COL8A2: variants seen among roughly 807,000 people sequenced by gnomAD.
COL8A2 encodes the protein collagen type VIII alpha 2 chain, also known as collagen alpha-2(VIII) chain.
COL8A2 carries 16 observed loss-of-function variants against 24.0 expected under a neutral mutation model. The ratio of observed to expected loss-of-function variants is 0.67; its 90% confidence interval spans 0.45 to 1.01. COL8A2 has a LOEUF of 1.01. COL8A2 is among the 50% of genes least tolerant of loss of function. The pLI is 0.00. For synonymous variants in COL8A2, 466 were observed against 424.5 expected, an observed-to-expected ratio of 1.10 and a Z score of -1.20; for missense variants, 818 against 942.4, an observed-to-expected ratio of 0.87 and a Z score of 1.73.
At chr1:36,124,205 G>A (rs1177233994) in intron 1 of COL8A2, among the ~76,000 whole-genome samples, 4 of 152,168 alleles carry the variant, frequency 2.6e-5, no homozygotes, top group Admixed American at 6.5e-5. Context: ...TCAGCCGCAC[G>A]TCTGTGTCAG....
At position 36,098,395 on chromosome 1, in the gene COL8A2, G is replaced by A. The variant is rs754492511; in HGVS notation, c.1286C>T (p.Pro429Leu). ...PPGPTGPKGE[P>L]GFTGRPGGPG... ...TCCTCCAGGGCGACCCGTGAAACCC[G>A]GCTCACCCTTGGGCCCAGTTGGTCC... The change falls in exon 4 of 4, where the codon CCG (proline) becomes CTG (leucine). Residue 429 changes from proline to leucine, a missense_variant. Around this residue, in one of 3 missense-constraint regions of COL8A2, gnomAD observed 573 missense variants for 616.8 expected, o/e 0.93. Coordinates refer to ENST00000397799, the MANE Select transcript of COL8A2 (RefSeq NM_005202.4). 8 of 1,576,966 alleles carry A rather than the reference G, an allele frequency of 5.1e-6. No individual in the cohort carries two copies. The highest frequency in any genetic ancestry group is 4.6e-5 in the South Asian group (4 of 86,288).
At chr1:36,124,739 G>C (rs548051517) in intron 1 of COL8A2, among the ~76,000 whole-genome samples, 81 of 152,226 alleles carry the variant, frequency 5.3e-4, no homozygotes, top group Admixed American at 3.7e-3. Context: ...ACGGGAGATC[G>C]GGAGGTGGTG....
chr1:36,099,041 C>T lies in COL8A2; in HGVS notation c.640G>A (p.Gly214Arg), dbSNP rs1488242881. ...LKGDNGVGQP[G>R]LPGAPGQGGA... ...CCCTGCCCTGGGGCCCCAGGCAGCC[C>T]GGGCTGGCCCACTCCATTATCCCCC... The change falls in exon 4 of 4, where the codon GGG becomes AGG. Residue 214 changes from glycine (G) to arginine (R), a missense_variant. By Grantham distance (125) the Gly-to-Arg change is moderately radical. This residue lies in a region of COL8A2 where 573 missense variants were observed against 616.8 expected (regional missense o/e 0.93). Coordinates refer to ENST00000397799, the MANE Select transcript of COL8A2 (RefSeq NM_005202.4). 4 of 1,537,370 alleles carry T rather than the reference C, an allele frequency of 2.6e-6. No homozygotes were observed. The highest frequency in any genetic ancestry group is 3.5e-6 in the Non-Finnish European group (4 of 1,144,384).
At position 36,098,113 on chromosome 1, in the gene COL8A2, G is replaced by T; in HGVS notation, c.1568C>A (p.Pro523His). The change falls in exon 4 of 4, where the codon CCT (proline) becomes CAT (histidine). Residue 523 changes from proline to histidine, a missense_variant. Physicochemically the swap from Pro to His is moderately conservative, Grantham distance 77. Coordinates refer to ENST00000397799, the MANE Select transcript of COL8A2 (RefSeq NM_005202.4). ...ACCAGGGGGTCCCGGGGGCCCGGGA[G>T]GCCCCGGAGGGCCCGTGATTCCAGG... ...GSPGITGPPG[P>H]PGPPGPPGAP... is the part of the protein sequence containing the mutation. 6.7e-7 allele frequency: 1 copy of T among 1,496,926 alleles called. No individual in the cohort carries two copies. Among genetic ancestry groups the T allele is most frequent in the Admixed American group, 2.4e-5 (1 of 41,458 alleles). The allele number at this position is 1,496,926 out of a possible 1,614,324, so 92.7% of individuals were successfully genotyped here.
At position 36,099,472 on chromosome 1, in the gene COL8A2, A is replaced by C. The variant is rs1452063857; in HGVS notation, c.209T>G (p.Leu70Arg). Residue 70 changes from leucine to arginine, a missense_variant, in exon 4 of 4, where the codon CTG becomes CGG. By Grantham distance (102) the Leu-to-Arg change is moderately radical. Around this residue, in one of 3 missense-constraint regions of COL8A2, gnomAD observed 573 missense variants for 616.8 expected, o/e 0.93. Coordinates refer to ENST00000397799, the MANE Select transcript of COL8A2 (RefSeq NM_005202.4). Reference sequence around the variant, plus strand: ...CTCTCCCTTCAGGTCCATCGGCAGCAGCGGTAGAGGCATTTCTGAGAAAGA... The same window carrying C: ...CTCTCCCTTCAGGTCCATCGGCAGCCGCGGTAGAGGCATTTCTGAGAAAGA... ...KGQYLEMPLPLLPMDLKGEPG... is the reference protein window; with the variant it reads ...KGQYLEMPLPRLPMDLKGEPG... The C allele has an allele frequency of 4.5e-6, 7 of 1,540,246 alleles. No individual in the cohort carries two copies. The African/African-American group carries it at 9.5e-5, about 21-fold the overall frequency.
Position 36,103,429 on chromosome 1 carries a change from C to T in COL8A2, c.-16-3171G>A, listed in dbSNP as rs1245670432. On this transcript the variant is annotated intron_variant, in intron 2 of 3. Coordinates refer to ENST00000397799, the MANE Select transcript of COL8A2 (RefSeq NM_005202.4). ...CTGGGACTACAGGCGCCCGCCAACA[C>T]GCCCGGCTAATTTTTTGTATTTTTA... is the stretch of plus-strand genomic sequence containing the variant. Among the ~76,000 whole-genome samples, 4 of 152,074 alleles carry T rather than the reference C, an allele frequency of 2.6e-5. 1 individual carries two copies. Among genetic ancestry groups the T allele is most frequent in the South Asian group, 4.1e-4 (2 of 4,824 alleles).
At chr1:36,102,664 G>GGTT (rs1553177881) in intron 2 of COL8A2, among the ~76,000 whole-genome samples, 3 of 94,780 alleles carry the variant, frequency 3.2e-5, no homozygotes, top group Non-Finnish European at 5.9e-5. Flanking sequence ...TATAAAGCTG[G>GGTT]TTTTTTGTTT....
rs537720637 is a variant in COL8A2, at chr1:36,115,368, G to A, written c.-17+340C>T. ...CTCTGCGGCTACCCTGCGTGGTGGC[G>A]GCAGCAGCGGCAGCAGGAGGGGCTG... On this transcript the variant is annotated intron_variant, in intron 2 of 3. Coordinates refer to ENST00000397799, the MANE Select transcript of COL8A2 (RefSeq NM_005202.4). The surrounding 1 kb of genome is among the most constrained non-coding windows in gnomAD (Gnocchi z 5.7). Among the ~76,000 whole-genome samples, 105 of 152,306 alleles carry A rather than the reference G, an allele frequency of 6.9e-4. No individual in the cohort carries two copies. The highest frequency in any genetic ancestry group is 2.4e-3 in the African/African-American group (101 of 41,560).
At chr1:36,102,483 G>A (rs1643691340) in intron 2 of COL8A2, among the ~76,000 whole-genome samples, 1 of 151,684 alleles carries the variant, frequency 6.6e-6, no homozygotes, top group Admixed American at 6.6e-5. Flanking sequence ...TCTATTTTAT[G>A]TAAAGACAGG....
rs1267078978 is a variant in COL8A2 at position 36,096,783 on chromosome 1, G to C, written c.*786C>G. 6.6e-6 allele frequency: 1 copy of C among 152,372 alleles called. No homozygotes were observed. The highest frequency in any genetic ancestry group is 1.5e-5 in the Non-Finnish European group (1 of 68,164). The allele number at this position is 152,372 out of a possible 1,614,324, so 9.4% of individuals were successfully genotyped here. A position where few individuals can be genotyped will look rare whatever the true frequency, so the allele number is the denominator to read the frequency against. ...CAGAGGTTGATCTTTCTGGCCTGTA[G>C]GTGTCCCAGGGGCCTCTGTGCTGCC... On this transcript the variant is annotated 3_prime_UTR_variant, in exon 4 of 4. Coordinates refer to ENST00000397799, the MANE Select transcript of COL8A2 (RefSeq NM_005202.4).
At chr1:36,105,742 C>A (rs1436747217) in intron 2 of COL8A2, among the ~76,000 whole-genome samples, 1 of 149,836 alleles carries the variant, frequency 6.7e-6, no homozygotes, top group African/African-American at 2.5e-5. Context: ...GAGCCCAGGA[C>A]TTTGAGATCA....
chr1:36,122,280 G>C (rs920692527), intron 1 of COL8A2, among the ~76,000 whole-genome samples: 2 of 152,148 alleles, frequency 1.3e-5, no homozygotes, highest in Admixed American at 1.3e-4. Flanking sequence ...GGAAGTCCTA[G>C]ATCTGTCTGA....
rs991834696 is a variant in COL8A2, at chr1:36,097,829, C to T, written c.1852G>A (p.Gly618Ser). The T allele has an allele frequency of 1.2e-5, 19 of 1,613,478 alleles. No individual in the cohort carries two copies. Among genetic ancestry groups the T allele is most frequent in the Admixed American group, 1.7e-5 (1 of 60,036 alleles). The change falls in exon 4 of 4, where the codon GGC becomes AGC. Residue 618 changes from glycine (G) to serine (S), a missense_variant. Transcript: ENST00000397799. Reference protein sequence around the residue: ...ATGIFTCPVGGVYYFAYHVHV... With the variant: ...ATGIFTCPVGSVYYFAYHVHV... ...ACATGGTAAGCAAAGTAGTAGACGC[C>T]GCCCACAGGGCAGGTGAAGATGCCA... is the stretch of plus-strand genomic sequence containing the variant.
Position 36,100,220 on chromosome 1 carries a change from A to T in COL8A2, c.23T>A (p.Leu8Gln), listed in dbSNP as rs770506892. The change falls in exon 3 of 4, where the codon CTG becomes CAG. Residue 8 changes from leucine (L) to glutamine (Q), a missense_variant. Around this residue, in one of 3 missense-constraint regions of COL8A2, gnomAD observed 573 missense variants for 616.8 expected, o/e 0.93. Coordinates refer to ENST00000397799, the MANE Select transcript of COL8A2 (RefSeq NM_005202.4). ...CAGTAGCAGCAGCAGCAGCGAAGAC[A>T]GGGGTGTCAGAGTCCCCAGCATGGC... MLGTLTPLSSLLLLLLVL... is the reference protein window; with the variant it reads MLGTLTPQSSLLLLLLVL... 3.8e-6 allele frequency: 6 copies of T among 1,575,554 alleles called. No individual in the cohort carries two copies. The East Asian group carries it at 7.0e-5, about 18-fold the overall frequency.
At chr1:36,113,403 C>T (rs1307873250) in intron 2 of COL8A2, among the ~76,000 whole-genome samples, 1 of 152,240 alleles carries the variant, frequency 6.6e-6, no homozygotes. Flanking sequence ...CTCTGTAAAT[C>T]TCTAGCTGTT....
At chr1:36,101,169 C>T (rs987970698) in intron 2 of COL8A2, among the ~76,000 whole-genome samples, 6 of 152,078 alleles carry the variant, frequency 3.9e-5, no homozygotes, top group African/African-American at 1.4e-4. Context: ...GTTAGGATTA[C>T]AGGCATGAGC....
In COL8A2 at chr1:36,098,822, C is replaced by T; in HGVS notation, c.859G>A (p.Gly287Arg). 1 of 1,612,352 alleles carries T rather than the reference C, an allele frequency of 6.2e-7. No homozygotes were observed. The highest frequency in any genetic ancestry group is 8.5e-7 in the Non-Finnish European group (1 of 1,179,760). ...VDGVGVPGAA[G>R]LPGPQGPSGA... ...GATGGGCCCTGTGGTCCTGGCAACC[C>T]TGCTGCCCCTGGGACTCCCACACCG... Residue 287 changes from glycine to arginine, a missense_variant, in exon 4 of 4, where the codon GGG (glycine) becomes AGG (arginine). Gly to Arg is a moderately radical substitution (Grantham distance 125). Transcript: ENST00000397799.
intron 1 of COL8A2, 136 bp downstream of exon 1, chr1:36,124,921 G>T (rs1643941163): frequency 5.1e-6 from 1 of 195,190 alleles, no homozygotes; most frequent in Non-Finnish European, 9.3e-6. Context: ...CCTGGCCCGA[G>T]TCCCCCACCG....
chr1:36,105,266 C>A (rs890308009), intron 2 of COL8A2, among the ~76,000 whole-genome samples: 2 of 152,192 alleles, frequency 1.3e-5, no homozygotes, highest in African/African-American at 4.8e-5. Context: ...GGCCATTTAA[C>A]CTTCCTGAGC....
Sources: allele counts gnomAD v4.1 joint callset (sites outside exome capture counted in the v4.1 genomes callset), GRCh38; gene constraint gnomAD v4.1.1; regional missense constraint gnomAD v4.1.1; non-coding constraint Gnocchi (gnomAD v3.1); transcripts MANE v1.5; gene names NCBI Gene and HGNC (gene_info 2026-07-23, HGNC 2026-07-21).